The following LRMDA variants were observed in gnomAD, a reference collection of about 807,000 sequenced individuals.
LRMDA encodes the protein leucine-rich melanocyte differentiation-associated protein.
LRMDA carries 18 observed loss-of-function variants against 29.8 expected under a neutral mutation model. That is an observed-to-expected ratio of 0.60 (90% CI 0.42 to 0.90). LRMDA has a LOEUF of 0.90. Ranked by LOEUF, LRMDA falls within the 40% of genes least tolerant of loss-of-function variation. LRMDA has a pLI of 0.00. For missense variants in LRMDA, 273 were observed against 273.9 expected (o/e 1.00, Z 0.02); for synonymous variants, 125 against 109.4 (o/e 1.14, Z -0.89).
intron 6 of LRMDA, among the ~76,000 whole-genome samples, chr10:76,385,804 T>A (rs1408329469): frequency 1.3e-5 from 2 of 152,250 alleles, no homozygotes; most frequent in Admixed American, 1.3e-4. Context: ...TGCCATTTAA[T>A]GTGTATGCAT....
chr10:75,525,491 T>C (rs1037089523), intron 2 of LRMDA, among the ~76,000 whole-genome samples: 12 of 152,150 alleles, frequency 7.9e-5, no homozygotes, highest in Admixed American at 6.5e-4. Flanking sequence ...GAGTTCTGAA[T>C]GGGTTGGCTA....
At chr10:76,193,950 G>A (rs986152848) in intron 5 of LRMDA, among the ~76,000 whole-genome samples, 26 of 152,164 alleles carry the variant, frequency 1.7e-4, no homozygotes, top group African/African-American at 4.8e-4. Context: ...ACTAACTTGC[G>A]TCAACCCATA....
intron 2 of LRMDA, among the ~76,000 whole-genome samples, chr10:75,842,902 T>A (rs1844566303): frequency 1.3e-5 from 2 of 151,696 alleles, no homozygotes; most frequent in South Asian, 4.2e-4. Flanking sequence ...GAGCTTGTAG[T>A]CCCAGCTACT....
chr10:75,944,540 CATGT>C (rs1453372451), intron 2 of LRMDA, among the ~76,000 whole-genome samples: 10 of 151,458 alleles, frequency 6.6e-5, no homozygotes, highest in Admixed American at 6.6e-4. Flanking sequence ...ACTCTAATTG[CATGT>C]ATGTTAGACC....
chr10:76,380,605 C>T (rs371737414), intron 6 of LRMDA, among the ~76,000 whole-genome samples: 1 of 147,282 alleles, frequency 6.8e-6, no homozygotes, highest in Non-Finnish European at 1.5e-5. Context: ...GGAGGTGGAG[C>T]TTGCAGTGAG....
At chr10:75,741,336 T>G (rs746118243) in intron 2 of LRMDA, among the ~76,000 whole-genome samples, 2 of 152,078 alleles carry the variant, frequency 1.3e-5, no homozygotes, top group Non-Finnish European at 2.9e-5. Flanking sequence ...CATGCCCGCC[T>G]CCATCTCAAG....
rs202054799 is a variant in LRMDA at position 76,344,902 on chromosome 10, G to GAA, written c.601+20427_601+20428dup. ...TTGCAAATGGATTAAAATTTTAAGT[G>GAA]AAAAAAAAAAAGAAATCATACAAGT... On this transcript the variant is annotated intron_variant, in intron 6 of 6. Coordinates refer to ENST00000611255, the MANE Select transcript of LRMDA (RefSeq NM_001305581.2). Among the ~76,000 whole-genome samples, 418 of 130,736 alleles carry GAA rather than the reference G, an allele frequency of 3.2e-3. 2 individuals carry two copies. Among genetic ancestry groups the GAA allele is most frequent in the African/African-American group, 9.7e-3 (345 of 35,408 alleles). The allele number at this position is 130,736 out of a possible 152,430, so 85.8% of individuals were successfully genotyped here.
intron 5 of LRMDA, among the ~76,000 whole-genome samples, chr10:76,238,823 T>C (rs1472601342): frequency 6.6e-6 from 1 of 151,474 alleles, no homozygotes; most frequent in African/African-American, 2.4e-5. Context: ...TGATCACATA[T>C]CCCATAAAGA....
At chr10:75,814,651 CAGATCAAAAGGCTTTGAATTCTG>C (rs1447282898) in intron 2 of LRMDA, among the ~76,000 whole-genome samples, 3 of 152,132 alleles carry the variant, frequency 2.0e-5, no homozygotes, top group Non-Finnish European at 2.9e-5. Context: ...TTGACACAAC[CAGATCAAAAGGCTTTGAATTCTG>C]AAAATGATTC....
chr10:76,323,450 G>T (rs1199861843), intron 5 of LRMDA, among the ~76,000 whole-genome samples: 1 of 152,044 alleles, frequency 6.6e-6, no homozygotes, highest in Non-Finnish European at 1.5e-5. Flanking sequence ...AGCTTGGAAA[G>T]ATTGTTAGCT....
intron 6 of LRMDA, among the ~76,000 whole-genome samples, chr10:76,528,394 A>T (rs1387052655): frequency 6.6e-6 from 1 of 152,182 alleles, no homozygotes; most frequent in Non-Finnish European, 1.5e-5. Flanking sequence ...ATAAATGAAG[A>T]TGGATATATA....
intron 2 of LRMDA, among the ~76,000 whole-genome samples, chr10:75,600,424 A>C (rs1478859982): frequency 6.6e-6 from 1 of 152,074 alleles, no homozygotes; most frequent in African/African-American, 2.4e-5. Context: ...TGTGCTTTTG[A>C]CCTGTGGATC....
chr10:75,852,768 C>T (rs1844753670), intron 2 of LRMDA, among the ~76,000 whole-genome samples: 1 of 152,114 alleles, frequency 6.6e-6, no homozygotes, highest in Non-Finnish European at 1.5e-5. Context: ...CTGAGACTTC[C>T]AGCTGCTAGT....
intron 2 of LRMDA, among the ~76,000 whole-genome samples, chr10:75,750,992 C>A (rs774528565): frequency 6.6e-6 from 1 of 152,164 alleles, no homozygotes; most frequent in Non-Finnish European, 1.5e-5. Flanking sequence ...TGTAGCCAGC[C>A]GAGATCACGC....
intron 2 of LRMDA, among the ~76,000 whole-genome samples, chr10:75,640,618 G>A (rs181670270): frequency 6.6e-6 from 1 of 152,282 alleles, no homozygotes; most frequent in East Asian, 1.9e-4. Flanking sequence ...AAATCAGGGA[G>A]GGAAATAAAT....
At chr10:75,474,243 C>T (rs1387365749) in intron 2 of LRMDA, among the ~76,000 whole-genome samples, 3 of 152,196 alleles carry the variant, frequency 2.0e-5, no homozygotes, top group African/African-American at 7.2e-5. Flanking sequence ...TGAGTGTTTC[C>T]TGCTCTTTAA....
intron 2 of LRMDA, among the ~76,000 whole-genome samples, chr10:75,861,797 G>A (rs1171560228): frequency 6.6e-6 from 1 of 152,140 alleles, no homozygotes; most frequent in Non-Finnish European, 1.5e-5. Context: ...CTTTTATGGT[G>A]ACTCTGGACT....
At chr10:76,163,872 T>C (rs1420150326) in intron 5 of LRMDA, among the ~76,000 whole-genome samples, 1 of 152,200 alleles carries the variant, frequency 6.6e-6, no homozygotes, top group East Asian at 1.9e-4. Context: ...TTTTCATGAC[T>C]GCACATTTAG....
intron 2 of LRMDA, among the ~76,000 whole-genome samples, chr10:75,440,333 T>A (rs958490090): frequency 1.3e-5 from 2 of 151,268 alleles, no homozygotes; most frequent in African/African-American, 4.9e-5. Flanking sequence ...TTCTGTAGTG[T>A]TGAGTTTGAG....
Sources: gnomAD v4.1 joint callset for allele counts (sites outside exome capture counted in the v4.1 genomes callset) on GRCh38, gnomAD v4.1.1 for gene constraint, MANE v1.5 for transcripts, NCBI Gene and HGNC (gene_info 2026-07-23, HGNC 2026-07-21) for gene names.